Variants in TEX14 observed in about 807,000 individuals in gnomAD.
TEX14 encodes the protein testis expressed 14, intercellular bridge forming factor.
A neutral mutation model predicts 178.6 loss-of-function variants in TEX14; 168 were observed. The observed-to-expected ratio is 0.94, with a 90% CI of 0.83 to 1.07. The LOEUF is 1.07. TEX14 is among the 50% of genes least tolerant of loss of function. The probability of loss-of-function intolerance (pLI) is 0.00; values close to 1 mark genes in which losing one functional copy is unlikely to be tolerated. For missense variants in TEX14, 1,730 were observed against 1,753.6 expected (o/e 0.99, Z 0.24); for synonymous variants, 626 against 634.1 (o/e 0.99, Z 0.19).
intron 2 of TEX14, among the ~76,000 whole-genome samples, chr17:58,634,557 C>T (rs1016592677): frequency 1.1e-4 from 17 of 152,170 alleles, no homozygotes; most frequent in African/African-American, 4.1e-4. Context: ...ACTGTCTCTC[C>T]TACACTAGAA....
At chr17:58,586,606 A>G (rs2044980836) in intron 17 of TEX14, among the ~76,000 whole-genome samples, 1 of 152,222 alleles carries the variant, frequency 6.6e-6, no homozygotes, top group African/African-American at 2.4e-5. Context: ...GATACAAAGA[A>G]TAATGCCCAC....
chr17:58,666,945 C>T (rs2047223410), intron 1 of TEX14, among the ~76,000 whole-genome samples: 1 of 152,162 alleles, frequency 6.6e-6, no homozygotes, highest in Non-Finnish European at 1.5e-5. Context: ...CCTGGCTGGT[C>T]AGAGAGCGCA....
intron 2 of TEX14, among the ~76,000 whole-genome samples, chr17:58,644,552 C>G (rs1053537423): frequency 1.3e-5 from 2 of 151,078 alleles, no homozygotes; most frequent in Non-Finnish European, 2.9e-5. Flanking sequence ...AGCTGTCAAC[C>G]TGGTCTTGAA....
chr17:58,649,962 A>C lies in TEX14; in HGVS notation c.136+1904T>G, dbSNP rs565243123. On this transcript the variant is annotated intron_variant, in intron 2 of 31. Coordinates refer to ENST00000349033, the MANE Select transcript of TEX14 (RefSeq NM_031272.5). ...ACTATGTTGGCCAGGCTGGTCTCGA[A>C]CTCCTGACCTCAGGTGATCCACCCT... Among the ~76,000 whole-genome samples the C allele has an allele frequency of 8.6e-5, 13 of 151,318 alleles. No homozygotes were observed. The East Asian group carries it at 1.8e-3, about 20-fold the overall frequency.
At chr17:58,591,192 A>G (rs756520845) in intron 15 of TEX14, among the ~76,000 whole-genome samples, 13 of 152,252 alleles carry the variant, frequency 8.5e-5, no homozygotes, top group Admixed American at 7.8e-4. Flanking sequence ...GTAGTTCTTC[A>G]TTATTCCCTT....
chr17:58,628,894 A>G (rs1044600788), intron 3 of TEX14, among the ~76,000 whole-genome samples: 1 of 151,974 alleles, frequency 6.6e-6, no homozygotes, highest in Admixed American at 6.6e-5. Flanking sequence ...CAAGAAAAAA[A>G]AAAAAAGTAC....
chr17:58,591,726 C>CA (rs940053371), intron 15 of TEX14, among the ~76,000 whole-genome samples: 39 of 142,278 alleles, frequency 2.7e-4, no homozygotes, highest in Admixed American at 1.4e-3. Flanking sequence ...AAAAAAAAAA[C>CA]AAAAAAAAAC....
chr17:58,656,872 G>A (rs1205846467), intron 1 of TEX14, among the ~76,000 whole-genome samples: 3 of 135,034 alleles, frequency 2.2e-5, no homozygotes, highest in South Asian at 2.4e-4. Context: ...GCAGTGAGCC[G>A]AGATCATGCC....
intron 2 of TEX14, among the ~76,000 whole-genome samples, chr17:58,641,225 A>T (rs1316820117): frequency 2.0e-5 from 3 of 151,992 alleles, no homozygotes; most frequent in African/African-American, 7.2e-5. Context: ...AGCCTGACCA[A>T]TATGGAGAAA....
At chr17:58,617,264 T>A (rs1364428077) in intron 6 of TEX14, among the ~76,000 whole-genome samples, 3 of 152,122 alleles carry the variant, frequency 2.0e-5, no homozygotes, top group Non-Finnish European at 4.4e-5. Flanking sequence ...AAAATAATAA[T>A]TAAAAATTAA....
intron 2 of TEX14, chr17:58,648,133 A>G (rs1255410114): frequency 6.6e-6 from 1 of 152,250 alleles, no homozygotes; most frequent in Non-Finnish European, 1.5e-5. Flanking sequence ...GGGGAGAACC[A>G]ATAAGACAAA....
chr17:58,574,358 A>C, intron 21 of TEX14, 109 bp from the exon 22 acceptor site: 1 of 789,572 alleles, frequency 1.3e-6, no homozygotes, highest in Non-Finnish European at 2.1e-6. Context: ...ACGCAGAGGA[A>C]AGGGCACTAA....
intron 14 of TEX14, among the ~76,000 whole-genome samples, chr17:58,594,593 T>G (rs2045236159): frequency 6.6e-6 from 1 of 151,988 alleles, no homozygotes; most frequent in Admixed American, 6.6e-5. Context: ...CCTCAAATGA[T>G]CCACCCTCCT....
chr17:58,570,900 G>C (rs2044508885), intron 24 of TEX14, among the ~76,000 whole-genome samples: 1 of 151,942 alleles, frequency 6.6e-6, no homozygotes, highest in African/African-American at 2.4e-5. Context: ...CAAAGTGGTG[G>C]GATTACAGGC....
chr17:58,661,825 G>T (rs553259956), intron 1 of TEX14: 1 of 472,486 alleles, frequency 2.1e-6, no homozygotes. Context: ...CTCTGTTTCC[G>T]TTTCCTAAAA....
At chr17:58,623,084 G>A in intron 3 of TEX14, 72 bp from the exon 4 acceptor site, 1 of 1,383,920 alleles carries the variant, frequency 7.2e-7, no homozygotes. Flanking sequence ...GGCTCAGCGT[G>A]CAACACAGGG....
At position 58,593,980 on chromosome 17, in the gene TEX14, G is replaced by A. The variant is rs565995898; in HGVS notation, c.2470-319C>T. On this transcript the variant is annotated intron_variant, in intron 14 of 31. Transcript: ENST00000349033. ...CTCCCGAGTAGCTGGGACTACAGGC[G>A]CACACCACCACACCCAGCTAATTTT... Among the ~76,000 whole-genome samples the A allele has an allele frequency of 3.3e-5, 5 of 152,116 alleles. No homozygotes were observed. The South Asian group carries it at 6.2e-4, about 19-fold the overall frequency.
chr17:58,636,634 A>C (rs1174690427), intron 2 of TEX14, among the ~76,000 whole-genome samples: 2 of 152,062 alleles, frequency 1.3e-5, no homozygotes, highest in East Asian at 3.8e-4. Flanking sequence ...ATATTGTGAA[A>C]TATGTATTTG....
chr17:58,653,552 T>C (rs532016807), intron 1 of TEX14, among the ~76,000 whole-genome samples: 1 of 152,188 alleles, frequency 6.6e-6, no homozygotes, highest in African/African-American at 2.4e-5. Flanking sequence ...ATTAGTGCTA[T>C]TGTCATTATA....
Sources: allele counts gnomAD v4.1 joint callset (sites outside exome capture counted in the v4.1 genomes callset), GRCh38; gene constraint gnomAD v4.1.1; transcripts MANE v1.5; gene names NCBI Gene and HGNC (gene_info 2026-07-23, HGNC 2026-07-21).